SRD5A1: variants seen among roughly 807,000 people sequenced by gnomAD.
SRD5A1 encodes steroid 5 alpha-reductase 1.
In SRD5A1, 22 loss-of-function variants were observed where a neutral mutation model predicts 28.2. The ratio of observed to expected loss-of-function variants is 0.78; its 90% confidence interval spans 0.56 to 1.12. The LOEUF (loss-of-function observed/expected upper bound fraction) is 1.12. Among genes scored for constraint, SRD5A1 ranks in the 50% most tolerant of loss-of-function variants. The probability of loss-of-function intolerance (pLI) is 0.00; values close to 1 mark genes in which losing one functional copy is unlikely to be tolerated. For missense variants in SRD5A1, 300 were observed against 346.7 expected, an observed-to-expected ratio of 0.87 and a Z score of 1.07; for synonymous variants, 151 against 135.0, an observed-to-expected ratio of 1.12 and a Z score of -0.82.
At chr5:6,645,346 GT>G (rs1738479036) in intron 1 of SRD5A1, 1 of 200,102 alleles carries the variant, frequency 5.0e-6, no homozygotes, top group African/African-American at 2.4e-5. Flanking sequence ...CCCATTTTAA[GT>G]CTGTAATTTG....
chr5:6,635,284 G>A (rs976569975), intron 1 of SRD5A1, among the ~76,000 whole-genome samples: 3 of 152,184 alleles, frequency 2.0e-5, no homozygotes, highest in African/African-American at 7.2e-5. Flanking sequence ...AGTGAGTACT[G>A]TGTGCCTGAA....
rs1465140367 is a variant in SRD5A1 at position 6,653,207 on chromosome 5, A to G, written c.460+1199A>G. ...CCATGTTTTTTGTTGGTGAATTAGA[A>G]TTTTATTCCAAGGTTTCATCATACC... On this transcript the variant is annotated intron_variant, in intron 2 of 4. Transcript: ENST00000274192. 2.6e-5 allele frequency among the ~76,000 whole-genome samples: 4 copies of G among 152,122 alleles called. No homozygotes were observed. In the East Asian group the frequency reaches 7.7e-4, roughly 29 times the overall value.
At chr5:6,653,452 G>A (rs915313595) in intron 2 of SRD5A1, 6 of 152,208 alleles carry the variant, frequency 3.9e-5, no homozygotes, top group Admixed American at 6.5e-5. Flanking sequence ...TCAAGAGGAA[G>A]AACAGGCTTT....
At chr5:6,658,949 C>CA (rs982297274) in intron 3 of SRD5A1, among the ~76,000 whole-genome samples, 2 of 151,378 alleles carry the variant, frequency 1.3e-5, no homozygotes, top group African/African-American at 4.9e-5. Flanking sequence ...CCCATCTCCA[C>CA]AAAAAAATTG....
chr5:6,635,331 G>T (rs1456305777), intron 1 of SRD5A1, among the ~76,000 whole-genome samples: 1 of 152,086 alleles, frequency 6.6e-6, no homozygotes. Flanking sequence ...TTTGGAATGG[G>T]ATCAACCATT....
intron 1 of SRD5A1, among the ~76,000 whole-genome samples, chr5:6,645,741 A>T (rs1028161825): frequency 6.6e-6 from 1 of 152,200 alleles, no homozygotes; most frequent in Admixed American, 6.5e-5. Context: ...GTATTCCTCT[A>T]AAAAACTCCC....
At chr5:6,643,034 TG>T (rs1199083888) in intron 1 of SRD5A1, among the ~76,000 whole-genome samples, 1 of 100,350 alleles carries the variant, frequency 1.0e-5, no homozygotes, top group Non-Finnish European at 2.0e-5. Flanking sequence ...GTTTGTAATT[TG>T]TTTTTTTTTT....
In SRD5A1 at chr5:6,652,027, G is replaced by A. The variant is rs1209371469; in HGVS notation, c.460+19G>A. On this transcript the variant is annotated intron_variant, in intron 2 of 4. Transcript: ENST00000274192. ...CTAATAGGTGAGTGTCCACAGCAGT[G>A]AACTCCGCCTTGTTCACATCATTGC... 1 of 1,607,474 alleles carries A rather than the reference G, an allele frequency of 6.2e-7. No homozygotes were observed. The highest frequency in any genetic ancestry group is 1.1e-5 in the South Asian group (1 of 90,582).
intron 1 of SRD5A1, among the ~76,000 whole-genome samples, chr5:6,649,365 G>T (rs1281083762): frequency 6.6e-6 from 1 of 152,156 alleles, no homozygotes; most frequent in Non-Finnish European, 1.5e-5. Flanking sequence ...AGCTGCGGTT[G>T]GCTCTGCCCA....
chr5:6,668,321 C>G lies in SRD5A1; in HGVS notation c.*53C>G. On this transcript the variant is annotated 3_prime_UTR_variant, in exon 5 of 5. Coordinates refer to ENST00000274192, the MANE Select transcript of SRD5A1 (RefSeq NM_001047.4). ...CTTGAAGCTTTCCAATGGCGCTTCT[C>G]TATGGACTTTGTAAATAAGTTATAT... 4 of 1,056,094 alleles carry G rather than the reference C, an allele frequency of 3.8e-6. No homozygotes were observed. The highest frequency in any genetic ancestry group is 5.6e-6 in the Non-Finnish European group (4 of 712,292). The allele number at this position is 1,056,094 out of a possible 1,614,324, so 65.4% of individuals were successfully genotyped here.
chr5:6,656,047 C>G (rs762256514), intron 2 of SRD5A1, 31 bp from the exon 3 acceptor site: 3 of 1,558,186 alleles, frequency 1.9e-6, no homozygotes, highest in African/African-American at 1.4e-5. Flanking sequence ...GGTTTATTAG[C>G]CATAATCATC....
At chr5:6,660,889 A>G (rs1298402425) in intron 3 of SRD5A1, among the ~76,000 whole-genome samples, 1 of 152,186 alleles carries the variant, frequency 6.6e-6, no homozygotes, top group Non-Finnish European at 1.5e-5. Context: ...AAGGGGAAGT[A>G]AAGACCTTCA....
rs1243625453 is a variant in SRD5A1 at position 6,672,992 on chromosome 5, C to T, written c.*4724C>T. The T allele has an allele frequency of 2.6e-5, 4 of 152,156 alleles. No individual in the cohort carries two copies. Among genetic ancestry groups the T allele is most frequent in the Non-Finnish European group, 5.9e-5 (4 of 68,030 alleles). 9.4% of individuals were successfully genotyped at this position (152,156 alleles called of 1,614,324 possible). On this transcript the variant is annotated 3_prime_UTR_variant, in exon 5 of 5. Transcript: ENST00000274192. ...AATTGACAGTCTGAGTTAGTTGCTT[C>T]CCCCACTGCAAAGCAGCAAAATCTG...
At position 6,633,507 on chromosome 5, in the gene SRD5A1, C is replaced by T. The variant is rs1738043680; in HGVS notation, c.-70C>T. Reference sequence around the variant, plus strand: ...CCCTCCGGTAGCCGCCCCTCCTGCCCCCGCGCCGCCGCCCTATATGTTGCC... The same window carrying T: ...CCCTCCGGTAGCCGCCCCTCCTGCCTCCGCGCCGCCGCCCTATATGTTGCC... On this transcript the variant is annotated 5_prime_UTR_variant, in exon 1 of 5. Coordinates refer to ENST00000274192, the MANE Select transcript of SRD5A1 (RefSeq NM_001047.4). 2.2e-6 allele frequency: 3 copies of T among 1,388,192 alleles called. No individual in the cohort carries two copies. Among genetic ancestry groups the T allele is most frequent in the South Asian group, 3.2e-5 (2 of 62,304 alleles). 86.0% of individuals were successfully genotyped at this position (1,388,192 alleles called of 1,614,324 possible).
chr5:6,657,547 G>T (rs961622635), intron 3 of SRD5A1, among the ~76,000 whole-genome samples: 3 of 152,256 alleles, frequency 2.0e-5, no homozygotes, highest in African/African-American at 7.2e-5. Context: ...CTGAAGGAGA[G>T]GGCCCTGTCC....
intron 4 of SRD5A1, among the ~76,000 whole-genome samples, chr5:6,667,164 G>A (rs1739209493): frequency 6.6e-6 from 1 of 152,338 alleles, no homozygotes; most frequent in Middle Eastern, 3.4e-3. Flanking sequence ...TTGGGCACTC[G>A]TGGGTCCATG....
At chr5:6,660,736 T>A (rs896136915) in intron 3 of SRD5A1, among the ~76,000 whole-genome samples, 1 of 152,260 alleles carries the variant, frequency 6.6e-6, no homozygotes, top group Non-Finnish European at 1.5e-5. Context: ...TCAATGAATA[T>A]TGATATTTGT....
chr5:6,656,492 A>G (rs1314912672), intron 3 of SRD5A1, among the ~76,000 whole-genome samples: 2 of 152,228 alleles, frequency 1.3e-5, no homozygotes, highest in African/African-American at 2.4e-5. Context: ...AGTATAATGG[A>G]ATAGATACTT....
chr5:6,665,763 A>G (rs774912754), intron 4 of SRD5A1, among the ~76,000 whole-genome samples: 6 of 152,242 alleles, frequency 3.9e-5, no homozygotes, highest in Non-Finnish European at 8.8e-5. Flanking sequence ...GTTTTCTCAA[A>G]TGAAATCAGG....
Sources: allele counts gnomAD v4.1 joint callset (sites outside exome capture counted in the v4.1 genomes callset), GRCh38; gene constraint gnomAD v4.1.1; transcripts MANE v1.5; gene names NCBI Gene and HGNC (gene_info 2026-07-23, HGNC 2026-07-21).